The following CHD6 variants were observed in gnomAD, a reference collection of about 807,000 sequenced individuals.
CHD6 encodes the protein chromodomain helicase DNA binding protein 6, also known as ATP-dependent chromatin remodeler CHD6.
A neutral mutation model predicts 276.9 loss-of-function variants in CHD6; 50 were observed. The ratio of observed to expected loss-of-function variants is 0.18; its 90% CI spans 0.14 to 0.23. CHD6 has a LOEUF of 0.23. Ranked by LOEUF, CHD6 falls within the 10% of genes least tolerant of loss-of-function variation. CHD6 has a pLI of 1.00. For missense variants in CHD6, 2,564 were observed against 3,365.8 expected (o/e 0.76, Z 5.89); for synonymous variants, 1,173 against 1,229.3 (o/e 0.95, Z 0.96).
chr20:41,591,759 C>T (rs184175625), intron 1 of CHD6, among the ~76,000 whole-genome samples: 1 of 152,168 alleles, frequency 6.6e-6, no homozygotes, highest in Non-Finnish European at 1.5e-5. Context: ...AGGATTTTCA[C>T]AGATGGAAGG....
At chr20:41,484,234 T>A in intron 15 of CHD6, 118 bp downstream of exon 15, 1 of 1,255,872 alleles carries the variant, frequency 8.0e-7, no homozygotes, top group Non-Finnish European at 1.1e-6. Context: ...TGTAAAAAGG[T>A]GAGAATGCGT....
chr20:41,617,646 G>A (rs2045946328), intron 1 of CHD6, among the ~76,000 whole-genome samples: 2 of 152,066 alleles, frequency 1.3e-5, no homozygotes, highest in African/African-American at 4.8e-5. Context: ...TCCAACATGC[G>A]ATCTAATAAT....
At chr20:41,526,581 A>T (rs2044542536) in intron 3 of CHD6, among the ~76,000 whole-genome samples, 1 of 151,912 alleles carries the variant, frequency 6.6e-6, no homozygotes, top group Non-Finnish European at 1.5e-5. Flanking sequence ...CTGGGGTTTA[A>T]CACTTCGCAG....
At chr20:41,464,723 C>T (rs2042879263) in intron 17 of CHD6, among the ~76,000 whole-genome samples, 2 of 152,138 alleles carry the variant, frequency 1.3e-5, no homozygotes, top group Non-Finnish European at 2.9e-5. Context: ...AATCTAGTAG[C>T]AGTGGGCATA....
In CHD6 at chr20:41,618,037, G is replaced by T. The variant is rs574420281; in HGVS notation, c.-24+303C>A. Reference sequence around the variant, plus strand: ...CCGCCCCTGCGCGCGGCCCGCAGCGGCGCACTCCCAAGGACGGCCGCCCGG... The same window carrying T: ...CCGCCCCTGCGCGCGGCCCGCAGCGTCGCACTCCCAAGGACGGCCGCCCGG... On this transcript the variant is annotated intron_variant, in intron 1 of 36. Coordinates refer to ENST00000373233, the MANE Select transcript of CHD6 (RefSeq NM_032221.5). Among the ~76,000 whole-genome samples the T allele has an allele frequency of 5.7e-3, 837 of 147,784 alleles. 8 individuals are homozygous for T. Among genetic ancestry groups the T allele is most frequent in the Middle Eastern group, 0.024 (7 of 290 alleles).
At chr20:41,538,372 A>G (rs115248697) in intron 2 of CHD6, among the ~76,000 whole-genome samples, 3 of 152,288 alleles carry the variant, frequency 2.0e-5, no homozygotes, top group African/African-American at 7.2e-5. Context: ...AAATAAAAAA[A>G]TAAAAAAGGA....
Position 41,455,670 on chromosome 20 carries a change from G to A in CHD6, c.3009+130C>T, listed in dbSNP as rs981032380. The A allele has an allele frequency of 8.5e-5, 53 of 620,060 alleles. 1 individual carries two copies. In the South Asian group the frequency reaches 1.1e-3, roughly 13 times the overall value. 38.4% of individuals were successfully genotyped at this position (620,060 alleles called of 1,614,324 possible). On this transcript the variant is annotated intron_variant, in intron 19 of 36. Coordinates refer to ENST00000373233, the MANE Select transcript of CHD6 (RefSeq NM_032221.5). ...AGGATCTATATCTTTAGATAGTCACGCAGACTAAATGTGCAGCCAATTTCT... is the reference window on the plus strand; with the variant it reads ...AGGATCTATATCTTTAGATAGTCACACAGACTAAATGTGCAGCCAATTTCT...
At chr20:41,541,017 A>G (rs2044931079) in intron 2 of CHD6, among the ~76,000 whole-genome samples, 1 of 150,708 alleles carries the variant, frequency 6.6e-6, no homozygotes. Context: ...TTGACTACAG[A>G]ACATACTAAA....
At chr20:41,549,529 A>T in intron 2 of CHD6, among the ~76,000 whole-genome samples, 1 of 139,012 alleles carries the variant, frequency 7.2e-6, no homozygotes, top group African/African-American at 2.8e-5. Flanking sequence ...GCATTAGGAG[A>T]TATACCTAAT....
chr20:41,435,061 C>A lies in CHD6; in HGVS notation c.4068+2213G>T, dbSNP rs566670315. On this transcript the variant is annotated intron_variant, in intron 27 of 36. Transcript: ENST00000373233. ...ACAGAATCAAACTAGAGATCAATAA[C>A]AGCAAGGTAATGGGGAAATCTCCAA... Among the ~76,000 whole-genome samples, 13 of 152,118 alleles carry A rather than the reference C, an allele frequency of 8.5e-5. No homozygotes were observed. The East Asian group carries it at 2.1e-3, about 25-fold the overall frequency.
intron 2 of CHD6, among the ~76,000 whole-genome samples, chr20:41,541,020 A>G (rs1337466461): frequency 6.7e-6 from 1 of 150,062 alleles, no homozygotes; most frequent in Non-Finnish European, 1.5e-5. Flanking sequence ...ACTACAGAAC[A>G]TACTAAATGT....
intron 6 of CHD6, among the ~76,000 whole-genome samples, chr20:41,498,708 T>C (rs893853653): frequency 1.3e-5 from 2 of 152,088 alleles, no homozygotes; most frequent in African/African-American, 2.4e-5. Flanking sequence ...AGGAGATTCC[T>C]ACAATGGCCC....
In CHD6 at chr20:41,420,790, C is replaced by T. The variant is rs1322607301; in HGVS notation, c.5845G>A (p.Gly1949Ser). 5 of 1,614,072 alleles carry T rather than the reference C, an allele frequency of 3.1e-6. No homozygotes were observed. The highest frequency in any genetic ancestry group is 4.2e-6 in the Non-Finnish European group (5 of 1,180,054). ...ATTTCAAATTCATCATTCTCGAGGC[C>T]ATGCATCCACCTCTCCATGTGTTTG... ...HCKHMERWMHGLENDEFEIEK... is the reference protein window; with the variant it reads ...HCKHMERWMHSLENDEFEIEK... Residue 1949 changes from glycine to serine, a missense_variant, in exon 31 of 37, where the codon GGC (glycine) becomes AGC (serine). Physicochemically the swap from Gly to Ser is moderately conservative, Grantham distance 56 (BLOSUM62 0). This residue lies in a region of CHD6 where 1,024 missense variants were observed against 1,047.9 expected (regional missense o/e 0.98). Transcript: ENST00000373233.
At chr20:41,427,290 G>A (rs925319974) in intron 27 of CHD6, among the ~76,000 whole-genome samples, 2 of 151,780 alleles carry the variant, frequency 1.3e-5, no homozygotes, top group Non-Finnish European at 2.9e-5. Flanking sequence ...CTGATACGAC[G>A]CAAAGAACAG....
intron 7 of CHD6, 124 bp downstream of exon 7, chr20:41,498,044 C>A (rs2043730785): frequency 5.8e-6 from 4 of 691,952 alleles, no homozygotes; most frequent in African/African-American, 1.8e-5. Flanking sequence ...TTGAGTCAGC[C>A]AAGACCTGTG....
At chr20:41,476,617 T>C (rs1043694417) in intron 16 of CHD6, among the ~76,000 whole-genome samples, 1 of 152,112 alleles carries the variant, frequency 6.6e-6, no homozygotes. Flanking sequence ...CTTGGTAACA[T>C]AACACTAAGG....
intron 5 of CHD6, among the ~76,000 whole-genome samples, chr20:41,502,107 G>A (rs2043842977): frequency 6.6e-6 from 1 of 152,036 alleles, no homozygotes; most frequent in East Asian, 1.9e-4. Context: ...TGTGTCTTCT[G>A]AACAGAAATT....
chr20:41,511,247 C>G (rs2044110759), intron 5 of CHD6, among the ~76,000 whole-genome samples: 1 of 152,218 alleles, frequency 6.6e-6, no homozygotes, highest in African/African-American at 2.4e-5. Context: ...GATATTTGTG[C>G]TGCTACTGCT....
intron 23 of CHD6, among the ~76,000 whole-genome samples, chr20:41,449,063 G>A (rs1023135499): frequency 4.6e-5 from 7 of 151,874 alleles, no homozygotes; most frequent in Non-Finnish European, 8.8e-5. Context: ...CACCACATTC[G>A]GCTAATTTTT....
Sources: allele counts gnomAD v4.1 joint callset (sites outside exome capture counted in the v4.1 genomes callset), GRCh38; gene constraint gnomAD v4.1.1; regional missense constraint gnomAD v4.1.1; transcripts MANE v1.5; gene names NCBI Gene and HGNC (gene_info 2026-07-23, HGNC 2026-07-21).